The following ST6GALNAC6 variants were observed in gnomAD, a reference collection of about 807,000 sequenced individuals.
ST6GALNAC6 encodes the protein alpha-N-acetylgalactosaminide alpha-2,6-sialyltransferase 6.
Under a neutral mutation model 34.3 loss-of-function variants are expected in ST6GALNAC6, and 19 were observed. The observed-to-expected ratio is 0.55, with a 90% CI of 0.39 to 0.81. The LOEUF (loss-of-function observed/expected upper bound fraction) is 0.81, where lower values mean the gene tolerates loss of function less well. ST6GALNAC6 is among the 40% of genes least tolerant of loss of function. The pLI, the probability that ST6GALNAC6 is intolerant of heterozygous loss-of-function variation, is 0.00. For synonymous variants in ST6GALNAC6, 185 were observed against 182.1 expected, an observed-to-expected ratio of 1.02 and a Z score of -0.13; for missense variants, 377 against 467.7, an observed-to-expected ratio of 0.81 and a Z score of 1.79.
Position 127,896,241 on chromosome 9 carries a change from C to T in ST6GALNAC6, c.117+1G>A, listed in dbSNP as rs749747515. 1 of 1,614,146 alleles carries T rather than the reference C, an allele frequency of 6.2e-7. No homozygotes were observed. Among genetic ancestry groups the T allele is most frequent in the South Asian group, 1.1e-5 (1 of 91,082 alleles). On this transcript the variant is annotated splice_donor_variant, in intron 3 of 6. Coordinates refer to ENST00000373146, the MANE Select transcript of ST6GALNAC6 (RefSeq NM_013443.5). LOFTEE classifies it high-confidence loss of function. ...GGGTTAAGAAATGAAGGCAGACTTA[C>T]TTTGTTGCTACTCATTTCTCTCCGG...
intron 1 of ST6GALNAC6, among the ~76,000 whole-genome samples, chr9:127,898,517 A>G (rs1830605820): frequency 6.6e-6 from 1 of 152,272 alleles, no homozygotes; most frequent in African/African-American, 2.4e-5. Context: ...CCGCCTCTCC[A>G]GTGTGTCAGT....
At chr9:127,892,573 C>A (rs1190534595) in intron 4 of ST6GALNAC6, among the ~76,000 whole-genome samples, 1 of 152,234 alleles carries the variant, frequency 6.6e-6, no homozygotes, top group African/African-American at 2.4e-5. Context: ...CCCCCGCACA[C>A]CTTTCTGTCA....
rs73602387 is a variant in ST6GALNAC6 at position 127,896,704 on chromosome 9, C to T, written c.27-372G>A. Among the ~76,000 whole-genome samples, 467 of 152,248 alleles carry T rather than the reference C, an allele frequency of 3.1e-3. 1 individual carries two copies. Among genetic ancestry groups the T allele is most frequent in the African/African-American group, 0.011 (444 of 41,522 alleles). ...CTGTGGTGTCAGAATAAAACAACAC[C>T]GCTTGTAGGCCCCCGAACTCCTCTG... is the stretch of plus-strand genomic sequence containing the variant. On this transcript the variant is annotated intron_variant, in intron 2 of 6. Coordinates refer to ENST00000373146, the MANE Select transcript of ST6GALNAC6 (RefSeq NM_013443.5).
chr9:127,894,660 A>G lies in ST6GALNAC6; in HGVS notation c.149T>C (p.Phe50Ser), dbSNP rs1830341729. ...EQRSAVFVIL[F>S]ALITILILYS... ...GAGGATGAGGATGGTGATGAGGGCA[A>G]AGAGGATCACGAACACTGCTGACCG... The change falls in exon 4 of 7, where the codon TTT (phenylalanine) becomes TCT (serine). Residue 50 changes from phenylalanine to serine, a missense_variant. Phe to Ser is a radical substitution (Grantham distance 155). Coordinates refer to ENST00000373146, the MANE Select transcript of ST6GALNAC6 (RefSeq NM_013443.5). 1.2e-6 allele frequency: 2 copies of G among 1,614,198 alleles called. No individual in the cohort carries two copies. The highest frequency in any genetic ancestry group is 2.2e-5 in the South Asian group (2 of 91,088).
chr9:127,887,971 T>C (rs1035131997), intron 5 of ST6GALNAC6, among the ~76,000 whole-genome samples: 1 of 152,212 alleles, frequency 6.6e-6, no homozygotes, highest in South Asian at 2.1e-4. Flanking sequence ...GATAAGTTCA[T>C]GCTGGAGTGA....
At chr9:127,889,544 A>G (rs1830011232) in intron 5 of ST6GALNAC6, among the ~76,000 whole-genome samples, 1 of 151,434 alleles carries the variant, frequency 6.6e-6, no homozygotes, top group Middle Eastern at 3.2e-3. Context: ...CCCCGGTTCA[A>G]GCAATTCTCT....
chr9:127,888,738 G>A (rs1249805364), intron 5 of ST6GALNAC6, among the ~76,000 whole-genome samples: 12 of 152,048 alleles, frequency 7.9e-5, no homozygotes, highest in East Asian at 1.9e-4. Flanking sequence ...CTTGGGAGGC[G>A]GAGGTTGCAG....
chr9:127,891,453 C>CA (rs1385041191), intron 4 of ST6GALNAC6, among the ~76,000 whole-genome samples: 1 of 150,586 alleles, frequency 6.6e-6, no homozygotes, highest in Non-Finnish European at 1.5e-5. Flanking sequence ...CCATCTCTAC[C>CA]AAAAAATACA....
upstream of ST6GALNAC6, chr9:127,904,631 CT>C (rs1830867134): frequency 6.6e-6 from 1 of 152,248 alleles, no homozygotes; most frequent in Non-Finnish European, 1.5e-5. Context: ...CAGAGCCAGG[CT>C]GCAAGCCAGG....
upstream of ST6GALNAC6, chr9:127,903,469 T>C (rs1349847401): frequency 6.6e-6 from 1 of 152,202 alleles, no homozygotes; most frequent in Non-Finnish European, 1.5e-5. Context: ...CTAGGTTGTT[T>C]GCACTGTACT....
In ST6GALNAC6 at chr9:127,890,942, G is replaced by C; in HGVS notation, c.399C>G (p.Ile133Met). Residue 133 changes from isoleucine (I) to methionine (M), a missense_variant, in exon 5 of 7, where the codon ATC becomes ATG. Physicochemically the swap from Ile to Met is conservative, Grantham distance 10 (BLOSUM62 1). Transcript: ENST00000373146. This position sits in a 1 kb window ranked among gnomAD's most constrained non-coding sequence, Gnocchi z 4.3. ...GPEIERAECTIRMNDAPTTGY... is the reference protein window; with the variant it reads ...GPEIERAECTMRMNDAPTTGY... Reference sequence around the variant, plus strand: ...CAGTGGTGGGTGCATCATTCATGCGGATTGTACACTCAGCCCGCTCGATCT... The same window carrying C: ...CAGTGGTGGGTGCATCATTCATGCGCATTGTACACTCAGCCCGCTCGATCT... 1 of 1,614,162 alleles carries C rather than the reference G, an allele frequency of 6.2e-7. No individual in the cohort carries two copies. Among genetic ancestry groups the C allele is most frequent in the Non-Finnish European group, 8.5e-7 (1 of 1,180,036 alleles).
At chr9:127,897,083 G>A (rs959651864) in intron 2 of ST6GALNAC6, 27 of 867,948 alleles carry the variant, frequency 3.1e-5, no homozygotes, top group Non-Finnish European at 3.7e-5. Flanking sequence ...CAGTCTCAGG[G>A]GGTGGCTGGG....
intron 1 of ST6GALNAC6, chr9:127,904,937 G>C (rs2131608085): frequency 6.6e-6 from 1 of 152,652 alleles, no homozygotes; most frequent in East Asian, 1.9e-4. Context: ...GTTTCATTTT[G>C]TTCCTTACAA....
At chr9:127,898,841 CAGGCACCA>C (rs1335931992) in intron 1 of ST6GALNAC6, among the ~76,000 whole-genome samples, 1 of 152,206 alleles carries the variant, frequency 6.6e-6, no homozygotes, top group Non-Finnish European at 1.5e-5. Context: ...TGGCTCGGCA[CAGGCACCA>C]GGGCGGGGGT....
At chr9:127,904,577 G>C (rs988286696), upstream of ST6GALNAC6, 2 of 152,318 alleles carry the variant, frequency 1.3e-5, no homozygotes, top group African/African-American at 2.4e-5. Context: ...TCAAGGGTCG[G>C]AGGGAGAATA....
At chr9:127,902,440 G>T (rs1830790997), upstream of ST6GALNAC6, among the ~76,000 whole-genome samples, 1 of 151,972 alleles carries the variant, frequency 6.6e-6, no homozygotes, top group Non-Finnish European at 1.5e-5. Context: ...GATTACAGGT[G>T]TGAGGCACTG....
rs1261306258 is a variant in ST6GALNAC6 at position 127,890,516 on chromosome 9, AG to A, written c.704+120del. The A allele has an allele frequency of 2.1e-6, 3 of 1,420,310 alleles. No individual in the cohort carries two copies. Among genetic ancestry groups the A allele is most frequent in the Admixed American group, 2.2e-5 (1 of 46,458 alleles). The allele number at this position is 1,420,310 out of a possible 1,614,324, so 88.0% of individuals were successfully genotyped here. On this transcript the variant is annotated intron_variant, in intron 5 of 6. Transcript: ENST00000373146. The surrounding 1 kb of genome is among the most constrained non-coding windows in gnomAD (Gnocchi z 4.3). The stretch of plus-strand genomic sequence containing the variant: ...GAACTCTCCTAGGAGGCCCAACCAG[AG>A]GACGGCGGGACTTGACTACCCCTCA...
At position 127,890,306 on chromosome 9, in the gene ST6GALNAC6, G is replaced by C. The variant is rs1488508082; in HGVS notation, c.704+331C>G. ...TGGGAACAGTCAAGACTTTACATTG[G>C]GTACACTATGGGGAGCTTCTCTCAG... On this transcript the variant is annotated intron_variant, in intron 5 of 6. Coordinates refer to ENST00000373146, the MANE Select transcript of ST6GALNAC6 (RefSeq NM_013443.5). This position sits in a 1 kb window ranked among gnomAD's most constrained non-coding sequence, Gnocchi z 4.3. Among the ~76,000 whole-genome samples the C allele has an allele frequency of 6.6e-6, 1 of 152,066 alleles. No individual in the cohort carries two copies. Among genetic ancestry groups the C allele is most frequent in the Non-Finnish European group, 1.5e-5 (1 of 68,002 alleles).
At chr9:127,900,104 T>C (rs1564494768), upstream of ST6GALNAC6, among the ~76,000 whole-genome samples, 2 of 152,194 alleles carry the variant, frequency 1.3e-5, no homozygotes, top group Non-Finnish European at 2.9e-5. Context: ...GAAGAATAAC[T>C]TCACAGAGCT....
Sources: gnomAD v4.1 joint callset for allele counts (sites outside exome capture counted in the v4.1 genomes callset) on GRCh38, gnomAD v4.1.1 for gene constraint, Gnocchi (gnomAD v3.1) non-coding constraint, MANE v1.5 for transcripts, NCBI Gene and HGNC (gene_info 2026-07-23, HGNC 2026-07-21) for gene names.